RSRC1: variants seen among roughly 807,000 people sequenced by gnomAD.
RSRC1 encodes serine/Arginine-related protein 53.
In RSRC1, 39 loss-of-function variants were observed where a neutral mutation model predicts 49.1. That is an observed-to-expected ratio of 0.79 (90% confidence interval 0.61 to 1.04). The LOEUF is 1.04. RSRC1 is among the 50% of genes least tolerant of loss of function. RSRC1 has a pLI of 0.00. For missense variants in RSRC1, 388 were observed against 402.4 expected (o/e 0.96, Z 0.31); for synonymous variants, 143 against 130.8 (o/e 1.09, Z -0.63).
intron 3 of RSRC1, among the ~76,000 whole-genome samples, chr3:158,175,388 T>C (rs1220598083): frequency 1.3e-5 from 2 of 152,152 alleles, no homozygotes; most frequent in Non-Finnish European, 2.9e-5. Context: ...TGCAGTCTCT[T>C]CCAAGATCTT....
intron 5 of RSRC1, among the ~76,000 whole-genome samples, chr3:158,338,985 T>C (rs6784968): frequency 0.22 from 33,390 of 152,082 alleles, 4,272 homozygotes; most frequent in Non-Finnish European, 0.29. Context: ...ATAATAGATA[T>C]TATATTTTTT....
chr3:158,133,292 T>A (rs564160880), intron 3 of RSRC1, among the ~76,000 whole-genome samples: 1 of 152,304 alleles, frequency 6.6e-6, no homozygotes, highest in East Asian at 1.9e-4. Context: ...AACCTATTGA[T>A]CTTTATTTTG....
intron 5 of RSRC1, among the ~76,000 whole-genome samples, chr3:158,310,472 T>C (rs951391349): frequency 4.6e-5 from 7 of 151,822 alleles, no homozygotes; most frequent in Admixed American, 2.0e-4. Context: ...AAATTAATTA[T>C]GTTATTTGGT....
chr3:158,521,978 T>C (rs1342302383), intron 7 of RSRC1, among the ~76,000 whole-genome samples: 2 of 152,122 alleles, frequency 1.3e-5, no homozygotes, highest in Non-Finnish European at 2.9e-5. Flanking sequence ...TGTATTAGAA[T>C]TACATTAAAA....
At chr3:158,286,105 A>G (rs1029845274) in intron 4 of RSRC1, among the ~76,000 whole-genome samples, 3 of 152,258 alleles carry the variant, frequency 2.0e-5, no homozygotes, top group African/African-American at 7.2e-5. Flanking sequence ...GAATGCAAGT[A>G]TAAATGACCA....
Position 158,354,834 on chromosome 3 carries a change from ATTT to A in RSRC1, c.532-12_532-10del. The A allele has an allele frequency of 7.8e-6, 9 of 1,160,368 alleles. No individual in the cohort carries two copies. Among genetic ancestry groups the A allele is most frequent in the Admixed American group, 2.6e-5 (1 of 38,352 alleles). The allele number at this position is 1,160,368 out of a possible 1,614,324, so 71.9% of individuals were successfully genotyped here. A position where few individuals can be genotyped will look rare whatever the true frequency, so the allele number is the denominator to read the frequency against. On this transcript the variant is annotated intron_variant, in intron 5 of 9. Transcript: ENST00000611884. ...ACCTGTAAAAGTCTTGTATGGTTGA[ATTT>A]TTTTTTTTTTCTTTTTTAGCCACCA...
Position 158,317,566 on chromosome 3 carries a change from A to C in RSRC1, c.531+19491A>C, listed in dbSNP as rs76986752. Among the ~76,000 whole-genome samples the C allele has an allele frequency of 1.3e-3, 197 of 146,892 alleles. 1 individual carries two copies. Among genetic ancestry groups the C allele is most frequent in the Non-Finnish European group, 2.0e-3 (135 of 66,688 alleles). ...TTCAGAGTATGATGAGAAACATTTT[A>C]TTTTATTTGTGAGACAGAGTCTCAC... On this transcript the variant is annotated intron_variant, in intron 5 of 9. Transcript: ENST00000611884.
intron 3 of RSRC1, among the ~76,000 whole-genome samples, chr3:158,142,609 G>A (rs983251489): frequency 6.6e-6 from 1 of 152,172 alleles, no homozygotes; most frequent in African/African-American, 2.4e-5. Context: ...TGAAGGGGGA[G>A]CCAGCACATC....
intron 5 of RSRC1, among the ~76,000 whole-genome samples, chr3:158,332,668 C>A (rs1018533318): frequency 6.6e-6 from 1 of 151,850 alleles, no homozygotes; most frequent in African/African-American, 2.4e-5. Context: ...ATCCATTTTT[C>A]CCTGATCCAT....
chr3:158,533,107 A>C (rs1197807490), intron 7 of RSRC1, among the ~76,000 whole-genome samples: 1 of 151,798 alleles, frequency 6.6e-6, no homozygotes, highest in Admixed American at 6.6e-5. Flanking sequence ...ATTTGTGGTC[A>C]CTGACATGAG....
chr3:158,198,772 G>C (rs1720828077), intron 3 of RSRC1, among the ~76,000 whole-genome samples: 1 of 152,122 alleles, frequency 6.6e-6, no homozygotes, highest in Non-Finnish European at 1.5e-5. Flanking sequence ...GGGAGATGTA[G>C]ACTGGAGCTG....
intron 4 of RSRC1, among the ~76,000 whole-genome samples, chr3:158,249,280 G>A (rs563674455): frequency 1.3e-5 from 2 of 152,072 alleles, no homozygotes; most frequent in African/African-American, 2.4e-5. Flanking sequence ...CCCCTACCTC[G>A]CATCCACTCT....
At chr3:158,374,760 A>G (rs1448439500) in intron 6 of RSRC1, among the ~76,000 whole-genome samples, 1 of 152,142 alleles carries the variant, frequency 6.6e-6, no homozygotes, top group East Asian at 1.9e-4. Context: ...GTCATTTTGA[A>G]TTTTGAATTA....
At chr3:158,111,293 C>T (rs1462856946) in intron 1 of RSRC1, among the ~76,000 whole-genome samples, 2 of 152,152 alleles carry the variant, frequency 1.3e-5, no homozygotes, top group Non-Finnish European at 2.9e-5. Flanking sequence ...AGTGATATAA[C>T]ACTTTATGTT....
chr3:158,347,350 GT>G (rs148734793), intron 5 of RSRC1, among the ~76,000 whole-genome samples: 21 of 152,282 alleles, frequency 1.4e-4, no homozygotes, highest in Non-Finnish European at 2.8e-4. Flanking sequence ...AAAGGGCCCA[GT>G]AGTACTCTAG....
rs952785318 is a variant in RSRC1, at chr3:158,231,132, G to A, written c.494+27887G>A. ...TAGTAGAGATGAAGAATAACTAGTC[G>A]TTAGCTTTTTTTTTTTTTTTTTTTT... On this transcript the variant is annotated intron_variant, in intron 4 of 9. Transcript: ENST00000611884. Among the ~76,000 whole-genome samples, 5 of 129,982 alleles carry A rather than the reference G, an allele frequency of 3.8e-5. No individual in the cohort carries two copies. The South Asian group carries it at 7.6e-4, about 20-fold the overall frequency. 85.3% of individuals were successfully genotyped at this position (129,982 alleles called of 152,430 possible). A position where few individuals can be genotyped will look rare whatever the true frequency, so the allele number is the denominator to read the frequency against.
chr3:158,290,420 C>A (rs1726862614), intron 4 of RSRC1, among the ~76,000 whole-genome samples: 1 of 151,904 alleles, frequency 6.6e-6, no homozygotes, highest in Non-Finnish European at 1.5e-5. Context: ...CTACAGGCGC[C>A]CGCCACCACG....
rs148111173 is a variant in RSRC1 at position 158,530,247 on chromosome 3, C to G, written c.653-6845C>G. 5.3e-5 allele frequency among the ~76,000 whole-genome samples: 8 copies of G among 152,020 alleles called. No individual in the cohort carries two copies. The East Asian group carries it at 1.6e-3, about 30-fold the overall frequency. On this transcript the variant is annotated intron_variant, in intron 7 of 9. Coordinates refer to ENST00000611884, the MANE Select transcript of RSRC1 (RefSeq NM_001271838.2). Reference sequence around the variant, plus strand: ...TAGCACTTTTGTTTATGCTGTGCTTCCTGTATCTGCTACCATTTCTTAAGT... The same window carrying G: ...TAGCACTTTTGTTTATGCTGTGCTTGCTGTATCTGCTACCATTTCTTAAGT...
At chr3:158,243,435 T>G (rs1031722458) in intron 4 of RSRC1, among the ~76,000 whole-genome samples, 1 of 152,196 alleles carries the variant, frequency 6.6e-6, no homozygotes, top group African/African-American at 2.4e-5. Context: ...ACCATGCTAT[T>G]TTGGTTACTG....
Sources: allele counts gnomAD v4.1 joint callset (sites outside exome capture counted in the v4.1 genomes callset), GRCh38; gene constraint gnomAD v4.1.1; transcripts MANE v1.5; gene names NCBI Gene and HGNC (gene_info 2026-07-23, HGNC 2026-07-21).